SV2C: variants seen among roughly 807,000 people sequenced by gnomAD.
SV2C encodes synaptic vesicle glycoprotein 2C, also known as solute carrier family 22 member B3.
In SV2C, 49 loss-of-function variants were observed where a neutral mutation model predicts 79.7. The ratio of observed to expected loss-of-function variants is 0.61; its 90% CI spans 0.49 to 0.78. SV2C has a LOEUF of 0.78. Ranked by LOEUF, SV2C falls within the 30% of genes least tolerant of loss-of-function variation. SV2C has a pLI of 0.00. For synonymous variants in SV2C, 334 were observed against 333.2 expected (o/e 1.00, Z -0.03); for missense variants, 833 against 912.9 (o/e 0.91, Z 1.13).
At chr5:75,960,425 A>T in the SV2C span, among the ~76,000 whole-genome samples, 2 of 151,982 alleles carry the variant, frequency 1.3e-5, no homozygotes, top group Non-Finnish European at 2.9e-5. Flanking sequence ...GTGATGTCAT[A>T]GCTGTTATAA....
chr5:76,058,771 T>C, the SV2C span, among the ~76,000 whole-genome samples: 1 of 152,096 alleles, frequency 6.6e-6, no homozygotes, highest in Admixed American at 6.6e-5. Flanking sequence ...GTTTACAATA[T>C]AAATAAGAAT....
intron 2 of SV2C, among the ~76,000 whole-genome samples, chr5:76,133,380 A>C (rs562418430): frequency 8.5e-5 from 13 of 152,386 alleles, no homozygotes; most frequent in African/African-American, 3.1e-4. Context: ...CTTGAAAACT[A>C]GTAACTTTAT....
At chr5:76,083,001 A>G (rs1032394441), upstream of SV2C, among the ~76,000 whole-genome samples, 2 of 152,226 alleles carry the variant, frequency 1.3e-5, no homozygotes, top group Non-Finnish European at 1.5e-5. Flanking sequence ...GGCGCCGCCA[A>G]GTGCGCAACG....
chr5:76,226,207 G>C (rs1745232785), intron 4 of SV2C, among the ~76,000 whole-genome samples: 1 of 152,102 alleles, frequency 6.6e-6, no homozygotes, highest in East Asian at 1.9e-4. Flanking sequence ...GGGAGCAGTG[G>C]GGCAGAAGGA....
chr5:76,199,180 C>G (rs1244383899), intron 3 of SV2C, among the ~76,000 whole-genome samples: 1 of 152,030 alleles, frequency 6.6e-6, no homozygotes, highest in African/African-American at 2.4e-5. Flanking sequence ...AAAACTTAAG[C>G]CAGAGAATTA....
the SV2C span, among the ~76,000 whole-genome samples, chr5:75,948,205 C>T: frequency 7.2e-5 from 11 of 152,116 alleles, no homozygotes; most frequent in East Asian, 3.9e-4. Context: ...TAGGACTGCA[C>T]CTTACATCCA....
At chr5:76,321,410 C>T (rs1478732675) in intron 12 of SV2C, among the ~76,000 whole-genome samples, 4 of 152,054 alleles carry the variant, frequency 2.6e-5, no homozygotes, top group African/African-American at 9.7e-5. Flanking sequence ...TTCATACTCT[C>T]TCATGGTGTC....
intron 2 of SV2C, among the ~76,000 whole-genome samples, chr5:76,157,056 A>G (rs1403853679): frequency 3.3e-5 from 5 of 152,106 alleles, no homozygotes; most frequent in African/African-American, 9.7e-5. Flanking sequence ...ATTAATGTAC[A>G]TATCTAGAAA....
chr5:76,184,031 G>A (rs529748263), intron 2 of SV2C, among the ~76,000 whole-genome samples: 33 of 152,208 alleles, frequency 2.2e-4, no homozygotes, highest in South Asian at 8.3e-4. Context: ...TCAAAGCCCC[G>A]GCTTCATATT....
intron 2 of SV2C, among the ~76,000 whole-genome samples, chr5:76,162,906 T>G (rs1742936488): frequency 6.6e-6 from 1 of 152,214 alleles, no homozygotes; most frequent in African/African-American, 2.4e-5. Flanking sequence ...TTCTCAGTTA[T>G]TAACATGCTA....
the SV2C span, among the ~76,000 whole-genome samples, chr5:76,020,909 T>G: frequency 1.3e-5 from 2 of 152,174 alleles, no homozygotes; most frequent in Non-Finnish European, 2.9e-5. Flanking sequence ...AGAGATGATC[T>G]CTGAATGATT....
At chr5:75,928,125 T>G in the SV2C span, among the ~76,000 whole-genome samples, 1 of 152,230 alleles carries the variant, frequency 6.6e-6, no homozygotes, top group African/African-American at 2.4e-5. Context: ...TTTTAAACAG[T>G]TTAAGTGTAT....
intron 2 of SV2C, among the ~76,000 whole-genome samples, chr5:76,182,564 G>A (rs967107073): frequency 2.0e-5 from 3 of 152,264 alleles, no homozygotes; most frequent in African/African-American, 7.2e-5. Flanking sequence ...TGAGGAAAGC[G>A]AGGTGCCTCG....
At chr5:76,186,245 A>T (rs1214631385) in intron 2 of SV2C, among the ~76,000 whole-genome samples, 1 of 151,988 alleles carries the variant, frequency 6.6e-6, no homozygotes, top group Non-Finnish European at 1.5e-5. Flanking sequence ...AGCCCTCCAA[A>T]CTGTTCCAGC....
At chr5:76,337,338 T>C (rs529982327), downstream of SV2C, among the ~76,000 whole-genome samples, 17 of 152,244 alleles carry the variant, frequency 1.1e-4, no homozygotes, top group African/African-American at 4.1e-4. Flanking sequence ...GATTAGGAGG[T>C]AGTCCAACCC....
At chr5:76,348,692 T>A (rs1749589489) in intron 12 of SV2C, among the ~76,000 whole-genome samples, 1 of 152,188 alleles carries the variant, frequency 6.6e-6, no homozygotes. Context: ...TTAGGTGCCC[T>A]GTAGAGCAGT....
the SV2C span, among the ~76,000 whole-genome samples, chr5:75,966,754 T>C: frequency 6.6e-6 from 1 of 152,164 alleles, no homozygotes; most frequent in African/African-American, 2.4e-5. Flanking sequence ...AAACCTGCTT[T>C]CTCTCACCAT....
intron 4 of SV2C, among the ~76,000 whole-genome samples, chr5:76,233,107 T>G (rs1745482062): frequency 7.1e-6 from 1 of 141,640 alleles, no homozygotes; most frequent in Non-Finnish European, 1.5e-5. Context: ...TATCCTCTTT[T>G]ATTTTGTTGA....
At chr5:76,302,686 A>G (rs1364223744) in intron 12 of SV2C, among the ~76,000 whole-genome samples, 1 of 151,940 alleles carries the variant, frequency 6.6e-6, no homozygotes, top group East Asian at 1.9e-4. Context: ...AGAGACTCAT[A>G]TCAGAGAAAG....
Sources: gnomAD v4.1 joint callset for allele counts (sites outside exome capture counted in the v4.1 genomes callset) on GRCh38, gnomAD v4.1.1 for gene constraint, MANE v1.5 for transcripts, NCBI Gene and HGNC (gene_info 2026-07-23, HGNC 2026-07-21) for gene names.